TMEM184C: variants seen among roughly 807,000 people sequenced by gnomAD.
TMEM184C encodes the protein transmembrane protein 34.
In TMEM184C, 25 loss-of-function variants were observed where a neutral mutation model predicts 54.5. That is an observed-to-expected ratio of 0.46 (90% confidence interval 0.33 to 0.64). The LOEUF is 0.64. Ranked by LOEUF, TMEM184C falls within the 30% of genes least tolerant of loss-of-function variation. TMEM184C has a pLI of 0.02. For synonymous variants in TMEM184C, 148 were observed against 181.5 expected, an observed-to-expected ratio of 0.82 and a Z score of 1.49; for missense variants, 335 against 520.3, an observed-to-expected ratio of 0.64 and a Z score of 3.46.
chr4:147,625,157 G>A, intron 4 of TMEM184C, 148 bp downstream of exon 4: 4 of 700,196 alleles, frequency 5.7e-6, no homozygotes, highest in Non-Finnish European at 9.3e-6. Context: ...GTTCATAGTT[G>A]TTTGAAGGCT....
chr4:147,620,554 G>T (rs945165355), intron 1 of TMEM184C, among the ~76,000 whole-genome samples: 2 of 152,326 alleles, frequency 1.3e-5, no homozygotes, highest in South Asian at 4.1e-4. Flanking sequence ...GTAGTGAGAG[G>T]TGTTGGGTGC....
intron 1 of TMEM184C, among the ~76,000 whole-genome samples, chr4:147,620,096 C>T (rs905237777): frequency 2.6e-5 from 4 of 152,082 alleles, no homozygotes; most frequent in African/African-American, 7.2e-5. Flanking sequence ...ATTTCCTTTC[C>T]GTAGATATTA....
Position 147,623,847 on chromosome 4 carries a change from C to G in TMEM184C, c.137C>G (p.Thr46Ser), listed in dbSNP as rs1056026965. 6.2e-7 allele frequency: 1 copy of G among 1,613,752 alleles called. No homozygotes were observed. The highest frequency in any genetic ancestry group is 8.5e-7 in the Non-Finnish European group (1 of 1,179,888). The change falls in exon 2 of 10, where the codon ACC (threonine) becomes AGC (serine). Residue 46 changes from threonine (T) to serine (S), a missense_variant. Physicochemically the swap from Thr to Ser is moderately conservative, Grantham distance 58. Coordinates refer to ENST00000296582, the MANE Select transcript of TMEM184C (RefSeq NM_018241.3). The stretch of plus-strand genomic sequence containing the variant: ...TTGTTTCTTAAGGTTGGAATACACA[C>G]CAAGGCTTGGTTTATTGCTGGAATC... ...ELQKLEVGIH[T>S]KAWFIAGIFL... is the part of the protein sequence containing the mutation.
intron 9 of TMEM184C, 99 bp from the exon 10 acceptor site, chr4:147,634,070 T>TGGGGAGTGGGAGAGG (rs1398509010): frequency 6.6e-7 from 1 of 1,522,226 alleles, no homozygotes; most frequent in African/African-American, 1.4e-5. Flanking sequence ...TCATCAACTT[T>TGGGGAGTGGGAGAGG]GGGGAGTGGG....
At chr4:147,620,599 A>T (rs1732690930) in intron 1 of TMEM184C, among the ~76,000 whole-genome samples, 1 of 152,242 alleles carries the variant, frequency 6.6e-6, no homozygotes, top group Admixed American at 6.5e-5. Flanking sequence ...CGGTAAGGAT[A>T]GCAGGAGTGG....
At chr4:147,623,112 T>C (rs1304875002) in intron 1 of TMEM184C, among the ~76,000 whole-genome samples, 1 of 152,142 alleles carries the variant, frequency 6.6e-6, no homozygotes, top group Non-Finnish European at 1.5e-5. Context: ...CTACCTCTTT[T>C]ATCTTTGGCC....
At chr4:147,631,902 G>A (rs964875882) in intron 7 of TMEM184C, among the ~76,000 whole-genome samples, 3 of 151,992 alleles carry the variant, frequency 2.0e-5, no homozygotes, top group Non-Finnish European at 2.9e-5. Flanking sequence ...AAAGAGGGCC[G>A]GGCACAGTGG....
At position 147,617,983 on chromosome 4, in the gene TMEM184C, C is replaced by A. The variant is rs756213399; in HGVS notation, c.27C>A (p.Asn9Lys). ...TGCCTTGCACTTGTACCTGGAGGAA[C>A]TGGAGACAGTGGATTCGACCTTTAG... MPCTCTWR[N>K]WRQWIRPLVA... The change falls in exon 1 of 10, where the codon AAC (asparagine) becomes AAA (lysine). Residue 9 changes from asparagine (N) to lysine (K), a missense_variant. Transcript: ENST00000296582. 2 of 1,614,044 alleles carry A rather than the reference C, an allele frequency of 1.2e-6. No individual in the cohort carries two copies. Among genetic ancestry groups the A allele is most frequent in the African/African-American group, 2.7e-5 (2 of 74,920 alleles).
chr4:147,632,227 A>G (rs941996956), intron 7 of TMEM184C, among the ~76,000 whole-genome samples: 1 of 152,016 alleles, frequency 6.6e-6, no homozygotes, highest in Non-Finnish European at 1.5e-5. Flanking sequence ...GGTCCTAGAA[A>G]CAAATACACC....
chr4:147,624,420 G>A (rs1399935987), intron 3 of TMEM184C, among the ~76,000 whole-genome samples: 1 of 151,312 alleles, frequency 6.6e-6, no homozygotes, highest in African/African-American at 2.5e-5. Context: ...ACCTTCCCCA[G>A]TGGATACACA....
chr4:147,623,494 T>C (rs1474828566), intron 1 of TMEM184C, among the ~76,000 whole-genome samples: 4 of 151,752 alleles, frequency 2.6e-5, no homozygotes, highest in Admixed American at 6.6e-5. Context: ...CTTAGTTCTA[T>C]TTTAATTGTA....
Position 147,632,897 on chromosome 4 carries a change from A to G in TMEM184C, c.780-6A>G, listed in dbSNP as rs200497188. On this transcript the variant is annotated splice_region_variant and splice_polypyrimidine_tract_variant and intron_variant, in intron 7 of 9. Coordinates refer to ENST00000296582, the MANE Select transcript of TMEM184C (RefSeq NM_018241.3). ...GATTTGGCGTTTACCTTTTCCTAAC[A>G]TATAGGCAAGCAGTAGTTATTGCTT... 2 of 1,613,216 alleles carry G rather than the reference A, an allele frequency of 1.2e-6. No individual in the cohort carries two copies. Among genetic ancestry groups the G allele is most frequent in the Non-Finnish European group, 1.7e-6 (2 of 1,179,506 alleles).
At chr4:147,623,392 G>A (rs1259512313) in intron 1 of TMEM184C, among the ~76,000 whole-genome samples, 1 of 150,860 alleles carries the variant, frequency 6.6e-6, no homozygotes, top group African/African-American at 2.4e-5. Flanking sequence ...CCAAGATCGC[G>A]CCGCTGTACT....
intron 1 of TMEM184C, among the ~76,000 whole-genome samples, chr4:147,618,648 A>G (rs1461716295): frequency 2.0e-5 from 3 of 152,230 alleles, no homozygotes; most frequent in African/African-American, 7.2e-5. Context: ...AGATATAAAT[A>G]TTATATAATG....
At chr4:147,623,720 C>T (rs987705009) in intron 1 of TMEM184C, 114 bp from the exon 2 acceptor site, 2 of 965,986 alleles carry the variant, frequency 2.1e-6, no homozygotes, top group South Asian at 1.5e-5. Flanking sequence ...TCAAGCGATC[C>T]TCCCACCTCG....
chr4:147,629,666 G>A lies in TMEM184C; in HGVS notation c.640G>A (p.Val214Ile). The A allele has an allele frequency of 6.3e-7, 1 of 1,590,280 alleles. No homozygotes were observed. The highest frequency in any genetic ancestry group is 8.5e-7 in the Non-Finnish European group (1 of 1,170,336). Residue 214 changes from valine to isoleucine, a missense_variant, in exon 6 of 10, where the codon GTT becomes ATT. Val to Ile is a conservative substitution (Grantham distance 29). Transcript: ENST00000296582. Reference sequence around the variant, plus strand: ...CTTTTCAAATGCTTGGACTTATTTGGTTATAATAAACAACATGTCACAGTT... The same window carrying A: ...CTTTTCAAATGCTTGGACTTATTTGATTATAATAAACAACATGTCACAGTT... ...FSFSNAWTYL[V>I]IINNMSQLFA...
rs1732993911 is a variant in TMEM184C at position 147,635,153 on chromosome 4, T to C, written c.*719T>C. 2 of 152,222 alleles carry C rather than the reference T, an allele frequency of 1.3e-5. No individual in the cohort carries two copies. Among genetic ancestry groups the C allele is most frequent in the Non-Finnish European group, 2.9e-5 (2 of 68,040 alleles). The allele number at this position is 152,222 out of a possible 1,614,324, so 9.4% of individuals were successfully genotyped here. On this transcript the variant is annotated 3_prime_UTR_variant, in exon 10 of 10. Coordinates refer to ENST00000296582, the MANE Select transcript of TMEM184C (RefSeq NM_018241.3). ...AACTTAATCATGTGCCATATAAGCTTACCTAACAAACAGTTATATCCCTAT... is the reference window on the plus strand; with the variant it reads ...AACTTAATCATGTGCCATATAAGCTCACCTAACAAACAGTTATATCCCTAT...
At chr4:147,620,724 A>G (rs997203743) in intron 1 of TMEM184C, among the ~76,000 whole-genome samples, 3 of 152,220 alleles carry the variant, frequency 2.0e-5, no homozygotes, top group Non-Finnish European at 4.4e-5. Context: ...GATGATTCTG[A>G]AGTTTTTTGT....
In TMEM184C at chr4:147,635,535, G is replaced by C. The variant is rs918581260; in HGVS notation, c.*1101G>C. Reference sequence around the variant, plus strand: ...TTTTATAATGAAAATAAAACAGAAAGTGCCATAGTATGTTACAGAAAGCAA... The same window carrying C: ...TTTTATAATGAAAATAAAACAGAAACTGCCATAGTATGTTACAGAAAGCAA... On this transcript the variant is annotated 3_prime_UTR_variant, in exon 10 of 10. Transcript: ENST00000296582. 1.3e-5 allele frequency: 2 copies of C among 152,162 alleles called. No individual in the cohort carries two copies. The highest frequency in any genetic ancestry group is 2.9e-5 in the Non-Finnish European group (2 of 68,012). 9.4% of individuals were successfully genotyped at this position (152,162 alleles called of 1,614,324 possible).
Sources: gnomAD v4.1 joint callset for allele counts (sites outside exome capture counted in the v4.1 genomes callset) on GRCh38, gnomAD v4.1.1 for gene constraint, MANE v1.5 for transcripts, NCBI Gene and HGNC (gene_info 2026-07-23, HGNC 2026-07-21) for gene names.